The following TAP2 variants were observed in gnomAD, a reference collection of about 807,000 sequenced individuals.
TAP2 encodes antigen peptide transporter 2.
TAP2 carries 49 observed loss-of-function variants against 74.7 expected under a neutral mutation model. The observed-to-expected ratio is 0.66, with a 90% CI of 0.52 to 0.83. The LOEUF is 0.83. Ranked by LOEUF, TAP2 falls within the 40% of genes least tolerant of loss-of-function variation. The pLI, the probability that TAP2 is intolerant of heterozygous loss-of-function variation, is 0.00. For synonymous variants in TAP2, 306 were observed against 368.4 expected, an observed-to-expected ratio of 0.83 and a Z score of 1.94; for missense variants, 739 against 859.0, an observed-to-expected ratio of 0.86 and a Z score of 1.75.
At position 32,827,264 on chromosome 6, in the gene TAP2, G is replaced by A; in HGVS notation, c.*1642C>T. 1.0e-6 allele frequency: 1 copy of A among 985,450 alleles called. No individual in the cohort carries two copies. The highest frequency in any genetic ancestry group is 1.2e-6 in the Non-Finnish European group (1 of 829,948). 61.0% of individuals were successfully genotyped at this position (985,450 alleles called of 1,614,324 possible). On this transcript the variant is annotated 3_prime_UTR_variant, in exon 12 of 12. Transcript: ENST00000374897. ...CCCAACAACCAGTGATGTGTACAAT[G>A]TTGCATTTTCAGTGGTGGGAGTGGG...
Position 32,837,567 on chromosome 6 carries a change from A to T in TAP2, c.578T>A (p.Ile193Asn). The stretch of plus-strand genomic sequence containing the variant: ...AAAGGAGAAGAGGCACATGAAGAAG[A>T]TGGCACTGGCAAAGGCATGGGGGTC... ...DFDPHAFASA[I>N]FFMCLFSFGS... The change falls in exon 3 of 12, where the codon ATC becomes AAC. Residue 193 changes from isoleucine (I) to asparagine (N), a missense_variant. Transcript: ENST00000374897. 13 of 1,614,082 alleles carry T rather than the reference A, an allele frequency of 8.1e-6. No homozygotes were observed. The highest frequency in any genetic ancestry group is 1.1e-5 in the Non-Finnish European group (13 of 1,179,988).
Position 32,836,580 on chromosome 6 carries a change from C to A in TAP2, c.609-807G>T, listed in dbSNP as rs182167789. Among the ~76,000 whole-genome samples, 258 of 152,296 alleles carry A rather than the reference C, an allele frequency of 1.7e-3. 1 individual carries two copies. Among genetic ancestry groups the A allele is most frequent in the African/African-American group, 5.9e-3 (246 of 41,554 alleles). ...AACCTAGATGTCATAGCCTACTGCA[C>A]ACCTAGGCCATGTAGTTTAGCCTAT... is the stretch of plus-strand genomic sequence containing the variant. On this transcript the variant is annotated intron_variant, in intron 3 of 11. Transcript: ENST00000374897.
chr6:32,830,798 T>C lies in TAP2; in HGVS notation c.1281A>G (p.Val427=). 1 of 1,610,634 alleles carries C rather than the reference T, an allele frequency of 6.2e-7. No homozygotes were observed. ...ESVGSYVQTL[V]YIYGDMLSNV... ...TGCTGAGCATATCCCCATATATGTATACCAGGGTCTGGAAAACAGGAATGG... is the reference window on the plus strand; with the variant it reads ...TGCTGAGCATATCCCCATATATGTACACCAGGGTCTGGAAAACAGGAATGG... Residue 427 remains valine (V), a synonymous_variant, in exon 8 of 12, where the codon GTA becomes GTG. Transcript: ENST00000374897.
At chr6:32,830,189 C>T (rs1477860491) in intron 9 of TAP2, 78 bp downstream of exon 9, 11 of 1,611,798 alleles carry the variant, frequency 6.8e-6, no homozygotes, top group African/African-American at 6.7e-5. Flanking sequence ...ACACCTGGTG[C>T]GCCTTCCCGT....
In TAP2 at chr6:32,826,350, T is replaced by C. The variant is rs952873707; in HGVS notation, c.*2556A>G. 12 of 985,352 alleles carry C rather than the reference T, an allele frequency of 1.2e-5. No homozygotes were observed. Among genetic ancestry groups the C allele is most frequent in the Non-Finnish European group, 1.4e-5 (12 of 829,936 alleles). The allele number at this position is 985,352 out of a possible 1,614,324, so 61.0% of individuals were successfully genotyped here. A position where few individuals can be genotyped will look rare whatever the true frequency, so the allele number is the denominator to read the frequency against. Reference sequence around the variant, plus strand: ...AGCTTTCCCCTCTCCATTCATACTTTCCTTTAGAAAGAATAAGGCATGCCT... The same window carrying C: ...AGCTTTCCCCTCTCCATTCATACTTCCCTTTAGAAAGAATAAGGCATGCCT... On this transcript the variant is annotated 3_prime_UTR_variant, in exon 12 of 12. Coordinates refer to ENST00000374897, the MANE Select transcript of TAP2 (RefSeq NM_001290043.2).
At position 32,826,882 on chromosome 6, in the gene TAP2, G is replaced by A. The variant is rs1413547410; in HGVS notation, c.*2024C>T. 1.0e-6 allele frequency: 1 copy of A among 985,360 alleles called. No homozygotes were observed. Among genetic ancestry groups the A allele is most frequent in the South Asian group, 4.7e-5 (1 of 21,286 alleles). 61.0% of individuals were successfully genotyped at this position (985,360 alleles called of 1,614,324 possible). On this transcript the variant is annotated 3_prime_UTR_variant, in exon 12 of 12. Coordinates refer to ENST00000374897, the MANE Select transcript of TAP2 (RefSeq NM_001290043.2). ...TGAGGGCTGCAGCTTCCATGTAGTT[G>A]GGAGATACAGGAATTATTATTCCTG...
chr6:32,825,126 T>TATATATATATATATATATATATATA (rs1554230832), downstream of TAP2, among the ~76,000 whole-genome samples: 5 of 140,684 alleles, frequency 3.6e-5, no homozygotes, highest in African/African-American at 5.3e-5. Flanking sequence ...TGTCTGTTGG[T>TATATATATATATATATATATATATA]TATATACATA....
Position 32,826,213 on chromosome 6 carries a change from T to A in TAP2, c.*2693A>T. ...AATTGCCATGTGGATTACAAGTGGCTATCCCTGGGTGGAGGCATAAAGGAC... is the reference window on the plus strand; with the variant it reads ...AATTGCCATGTGGATTACAAGTGGCAATCCCTGGGTGGAGGCATAAAGGAC... On this transcript the variant is annotated 3_prime_UTR_variant, in exon 12 of 12. Coordinates refer to ENST00000374897, the MANE Select transcript of TAP2 (RefSeq NM_001290043.2). 1 of 985,446 alleles carries A rather than the reference T, an allele frequency of 1.0e-6. No homozygotes were observed. Among genetic ancestry groups the A allele is most frequent in the Non-Finnish European group, 1.2e-6 (1 of 829,928 alleles). The allele number at this position is 985,446 out of a possible 1,614,324, so 61.0% of individuals were successfully genotyped here.
intron 7 of TAP2, among the ~76,000 whole-genome samples, chr6:32,831,377 T>C (rs1769066957): frequency 6.6e-6 from 1 of 152,194 alleles, no homozygotes; most frequent in African/African-American, 2.4e-5. Flanking sequence ...CTTCAGCTAA[T>C]ACATGAAGAA....
rs1768628423 is a variant in TAP2 at position 32,826,052 on chromosome 6, C to A, written c.*2854G>T. 1 of 985,400 alleles carries A rather than the reference C, an allele frequency of 1.0e-6. No homozygotes were observed. Among genetic ancestry groups the A allele is most frequent in the African/African-American group, 1.7e-5 (1 of 57,340 alleles). The allele number at this position is 985,400 out of a possible 1,614,324, so 61.0% of individuals were successfully genotyped here. On this transcript the variant is annotated 3_prime_UTR_variant, in exon 12 of 12. Coordinates refer to ENST00000374897, the MANE Select transcript of TAP2 (RefSeq NM_001290043.2). ...TTCAAAACCCAGTTTCTTCTGGGAC[C>A]ATTAGATGGCATCAGACTCAAGCAG...
chr6:32,824,684 T>C (rs1435597964), downstream of TAP2, among the ~76,000 whole-genome samples: 1 of 152,168 alleles, frequency 6.6e-6, no homozygotes, highest in Non-Finnish European at 1.5e-5. Flanking sequence ...TTTAGGAATT[T>C]TAAATTCTAA....
rs1182285466 is a variant in TAP2 at position 32,830,754 on chromosome 6, T to A, written c.1325A>T (p.Lys442Met). 1 of 1,612,788 alleles carries A rather than the reference T, an allele frequency of 6.2e-7. No individual in the cohort carries two copies. Among genetic ancestry groups the A allele is most frequent in the Non-Finnish European group, 8.5e-7 (1 of 1,179,980 alleles). Reference sequence around the variant, plus strand: ...CTGTCGGTCCATGTAGGAGAAAACCTTCTCTGCAGCTCCCACGTTGCTGAG... The same window carrying A: ...CTGTCGGTCCATGTAGGAGAAAACCATCTCTGCAGCTCCCACGTTGCTGAG... ...DMLSNVGAAE[K>M]VFSYMDRQPN... is the part of the protein sequence containing the mutation. The change falls in exon 8 of 12, where the codon AAG (lysine) becomes ATG (methionine). Residue 442 changes from lysine to methionine, a missense_variant. By Grantham distance (95) the Lys-to-Met change is moderately conservative. Coordinates refer to ENST00000374897, the MANE Select transcript of TAP2 (RefSeq NM_001290043.2).
rs562309218 is a variant in TAP2, at chr6:32,827,562, C to T, written c.*1344G>A. On this transcript the variant is annotated 3_prime_UTR_variant, in exon 12 of 12. Transcript: ENST00000374897. ...CAGACTGACGACATAAGTAAGGCCT[C>T]CTGGAAGACCTGAACCCTGAGTTAA... 2 of 344,568 alleles carry T rather than the reference C, an allele frequency of 5.8e-6. No individual in the cohort carries two copies. The highest frequency in any genetic ancestry group is 1.7e-4 in the East Asian group (1 of 5,880). The allele number at this position is 344,568 out of a possible 1,614,324, so 21.3% of individuals were successfully genotyped here. A position where few individuals can be genotyped will look rare whatever the true frequency, so the allele number is the denominator to read the frequency against.
In TAP2 at chr6:32,828,139, A is replaced by G; in HGVS notation, c.*767T>C. 1.2e-6 allele frequency: 1 copy of G among 801,012 alleles called. No homozygotes were observed. The highest frequency in any genetic ancestry group is 1.9e-5 in the African/African-American group (1 of 53,872). 49.6% of individuals were successfully genotyped at this position (801,012 alleles called of 1,614,324 possible). A position where few individuals can be genotyped will look rare whatever the true frequency, so the allele number is the denominator to read the frequency against. On this transcript the variant is annotated 3_prime_UTR_variant, in exon 12 of 12. Coordinates refer to ENST00000374897, the MANE Select transcript of TAP2 (RefSeq NM_001290043.2). ...AAGTCATTGAGCCTCTTTGAGCTTCAGTTTCCTCATCTGTAAAATGGGGAT... is the reference window on the plus strand; with the variant it reads ...AAGTCATTGAGCCTCTTTGAGCTTCGGTTTCCTCATCTGTAAAATGGGGAT...
chr6:32,832,822 TTC>T lies in TAP2; in HGVS notation c.946_947del (p.Glu316SerfsTer35). The T allele has an allele frequency of 1.2e-6, 2 of 1,612,196 alleles. No homozygotes were observed. The highest frequency in any genetic ancestry group is 1.7e-6 in the Non-Finnish European group (2 of 1,179,982). ...CTGCATCCTGGATCTCCCGAAGCACTTCCTGGAAAAGAGGGCCAGCAAACACC... is the reference window on the plus strand; with the variant it reads ...CTGCATCCTGGATCTCCCGAAGCACTCTGGAAAAGAGGGCCAGCAAACACC... ...AEKVYNTRHQ[E>X]VLREIQDAVA... On this transcript the variant is annotated frameshift_variant and splice_region_variant, in exon 6 of 12. Coordinates refer to ENST00000374897, the MANE Select transcript of TAP2 (RefSeq NM_001290043.2). LOFTEE classifies it high-confidence loss of function. This position sits in a 1 kb window ranked among gnomAD's most constrained non-coding sequence, Gnocchi z 5.9.
chr6:32,830,553 G>C (rs1769000616), intron 8 of TAP2, 65 bp downstream of exon 8: 2 of 1,607,210 alleles, frequency 1.2e-6, no homozygotes, highest in Admixed American at 1.7e-5. Flanking sequence ...ACTATAGGCT[G>C]TGATGTCCAA....
chr6:32,836,515 G>T (rs899132608), intron 3 of TAP2, among the ~76,000 whole-genome samples: 1 of 152,176 alleles, frequency 6.6e-6, no homozygotes, highest in African/African-American at 2.4e-5. Flanking sequence ...TCGTTAGATG[G>T]TTTCATCGTT....
At chr6:32,836,808 A>C (rs541141638) in intron 3 of TAP2, among the ~76,000 whole-genome samples, 143 of 152,398 alleles carry the variant, frequency 9.4e-4, no homozygotes, top group African/African-American at 3.3e-3. Context: ...TAGTTTCAGC[A>C]GAAAGCAGCC....
At chr6:32,824,161 T>C (rs56279000), downstream of TAP2, among the ~76,000 whole-genome samples, 10,187 of 152,224 alleles carry the variant, frequency 0.067, 661 homozygotes, top group African/African-American at 0.18. Context: ...TCTCAATTAA[T>C]TTCTTCCTAT....
Sources: allele counts gnomAD v4.1 joint callset (sites outside exome capture counted in the v4.1 genomes callset), GRCh38; gene constraint gnomAD v4.1.1; non-coding constraint Gnocchi (gnomAD v3.1); transcripts MANE v1.5; gene names NCBI Gene and HGNC (gene_info 2026-07-23, HGNC 2026-07-21).